ODF2L: variants seen among roughly 807,000 people sequenced by gnomAD.
ODF2L encodes outer dense fiber of sperm tails 2 like.
Under a neutral mutation model 86.3 loss-of-function variants are expected in ODF2L, and 76 were observed. The observed-to-expected ratio is 0.88, with a 90% CI of 0.73 to 1.07. The LOEUF is 1.07. ODF2L is among the 50% of genes least tolerant of loss of function. The pLI, the probability that ODF2L is intolerant of heterozygous loss-of-function variation, is 0.00. For synonymous variants in ODF2L, 241 were observed against 231.3 expected (o/e 1.04, Z -0.38); for missense variants, 748 against 717.4 (o/e 1.04, Z -0.49).
At chr1:86,357,803 C>A (rs185775218) in intron 13 of ODF2L, 2 of 984,262 alleles carry the variant, frequency 2.0e-6, no homozygotes, top group Non-Finnish European at 2.4e-6. Context: ...TGTGACCTCA[C>A]AGTATCTGAA....
At chr1:86,373,149 A>G (rs1031063033) in intron 8 of ODF2L, among the ~76,000 whole-genome samples, 1 of 152,168 alleles carries the variant, frequency 6.6e-6, no homozygotes, top group Admixed American at 6.5e-5. Flanking sequence ...TTGAATAGAA[A>G]AATTGTAAAG....
exon 4 of ODF2L, chr1:86,384,788 G>A (rs768187434): frequency 2.0e-6 from 3 of 1,511,520 alleles, no homozygotes; most frequent in African/African-American, 1.4e-5. Context: ...CAAATTCAAT[G>A]CAGAAAGATT....
intron 1 of ODF2L, among the ~76,000 whole-genome samples, chr1:86,391,853 CTTAA>C (rs1164426814): frequency 6.6e-6 from 1 of 152,108 alleles, no homozygotes; most frequent in African/African-American, 2.4e-5. Flanking sequence ...ATAGCTGGGA[CTTAA>C]TTAAACTAAA....
chr1:86,379,828 T>C (rs996001869), intron 7 of ODF2L, among the ~76,000 whole-genome samples: 7 of 152,288 alleles, frequency 4.6e-5, no homozygotes, highest in African/African-American at 1.7e-4. Context: ...ATAAGTATTA[T>C]TGAGGACATG....
intron 11 of ODF2L, among the ~76,000 whole-genome samples, chr1:86,366,648 GA>G (rs377755614): frequency 0.011 from 1,510 of 143,318 alleles, 10 homozygotes; most frequent in Middle Eastern, 0.036. Flanking sequence ...TTGAAACACT[GA>G]AAAAAAAAAT....
intron 11 of ODF2L, among the ~76,000 whole-genome samples, chr1:86,366,508 G>A (rs1659445283): frequency 6.6e-6 from 1 of 150,660 alleles, no homozygotes; most frequent in Non-Finnish European, 1.5e-5. Context: ...TTGGGAGGCT[G>A]AAGCGGGAGA....
chr1:86,377,495 C>G (rs2101126907), intron 7 of ODF2L, among the ~76,000 whole-genome samples: 1 of 152,332 alleles, frequency 6.6e-6, no homozygotes, highest in East Asian at 1.9e-4. Context: ...CCCCATATTT[C>G]TCTTCCACAC....
At chr1:86,371,422 C>T (rs559414038) in intron 9 of ODF2L, among the ~76,000 whole-genome samples, 4 of 152,252 alleles carry the variant, frequency 2.6e-5, no homozygotes, top group Admixed American at 2.0e-4. Flanking sequence ...AATAAAACTT[C>T]TAAACTATTA....
chr1:86,352,838 T>C (rs1658243665), intron 17 of ODF2L, 21 bp downstream of exon 16: 2 of 1,417,462 alleles, frequency 1.4e-6, no homozygotes, highest in Non-Finnish European at 1.9e-6. Flanking sequence ...TTATAATATG[T>C]TAAGCCATGC....
intron 7 of ODF2L, among the ~76,000 whole-genome samples, chr1:86,379,157 G>C (rs1660393999): frequency 1.3e-5 from 2 of 152,114 alleles, no homozygotes; most frequent in South Asian, 4.1e-4. Context: ...AAGCTGAGCA[G>C]ATGCCAGAAT....
intron 1 of ODF2L, among the ~76,000 whole-genome samples, chr1:86,391,147 T>A (rs1397660845): frequency 6.6e-6 from 1 of 152,112 alleles, no homozygotes; most frequent in East Asian, 1.9e-4. Flanking sequence ...GTGAAAGACC[T>A]CTACAAGGAA....
exon 12 of ODF2L, chr1:86,360,447 A>G: frequency 6.5e-7 from 1 of 1,543,144 alleles, no homozygotes; most frequent in Non-Finnish European, 8.9e-7. Flanking sequence ...ACATTTCAAT[A>G]AGGGTTTTCT....
At chr1:86,395,655 A>C (rs954094326) in intron 1 of ODF2L, among the ~76,000 whole-genome samples, 2 of 152,156 alleles carry the variant, frequency 1.3e-5, no homozygotes, top group African/African-American at 4.8e-5. Context: ...CTACAATCTG[A>C]TATATCACAT....
downstream of ODF2L, chr1:86,346,941 G>A (rs1198647839): frequency 2.0e-5 from 3 of 152,218 alleles, no homozygotes; most frequent in Non-Finnish European, 4.4e-5. Context: ...CCACTTACTA[G>A]CTGTGCGACC....
At chr1:86,350,479 ATTTTCT>A (rs1001858368) in exon 18 of ODF2L, 3 of 151,938 alleles carry the variant, frequency 2.0e-5, no homozygotes, top group African/African-American at 7.3e-5. Flanking sequence ...TATGTGCCAC[ATTTTCT>A]TTATTCAGTC....
At chr1:86,359,359 C>T (rs1658839619) in intron 12 of ODF2L, among the ~76,000 whole-genome samples, 1 of 152,080 alleles carries the variant, frequency 6.6e-6, no homozygotes, top group Non-Finnish European at 1.5e-5. Context: ...AATAACAAGT[C>T]CCACAGTCCA....
chr1:86,362,476 A>C (rs995324152), intron 11 of ODF2L, among the ~76,000 whole-genome samples: 1 of 151,534 alleles, frequency 6.6e-6, no homozygotes, highest in African/African-American at 2.4e-5. Context: ...TTGTTTGTAG[A>C]CACGAGGTCT....
downstream of ODF2L, chr1:86,348,428 G>A (rs571245406): frequency 6.5e-6 from 1 of 153,006 alleles, no homozygotes; most frequent in Non-Finnish European, 1.5e-5. Flanking sequence ...AAATTCACTT[G>A]AATGGTGGCT....
At chr1:86,383,427 A>G (rs1660721675) in intron 4 of ODF2L, among the ~76,000 whole-genome samples, 1 of 151,864 alleles carries the variant, frequency 6.6e-6, no homozygotes, top group African/African-American at 2.4e-5. Flanking sequence ...TTCAGAAAGT[A>G]TAGGCCAATG....
Sources: allele counts gnomAD v4.1 joint callset (sites outside exome capture counted in the v4.1 genomes callset), GRCh38; gene constraint gnomAD v4.1.1; transcripts MANE v1.5; gene names NCBI Gene and HGNC (gene_info 2026-07-23, HGNC 2026-07-21).